NRG2: variants seen among roughly 807,000 people sequenced by gnomAD.
The protein encoded by NRG2 is neuregulin 2.
Under a neutral mutation model 73.9 loss-of-function variants are expected in NRG2, and 27 were observed. That is an observed-to-expected ratio of 0.37 (90% CI 0.27 to 0.50). NRG2 has a LOEUF of 0.50. NRG2 is among the 20% of genes least tolerant of loss of function. The pLI, the probability that NRG2 is intolerant of heterozygous loss-of-function variation, is 0.96. For synonymous variants in NRG2, 532 were observed against 541.0 expected (o/e 0.98, Z 0.23); for missense variants, 1,126 against 1,210.1 (o/e 0.93, Z 1.03).
chr5:139,885,736 C>T (rs897132213), intron 2 of NRG2, among the ~76,000 whole-genome samples: 4 of 146,434 alleles, frequency 2.7e-5, no homozygotes, highest in Admixed American at 6.8e-5. Flanking sequence ...GGGGAATGTG[C>T]GGGAGGGAGG....
intron 3 of NRG2, among the ~76,000 whole-genome samples, chr5:139,880,644 C>T (rs768578361): frequency 1.3e-5 from 2 of 151,946 alleles, no homozygotes; most frequent in East Asian, 1.9e-4. Context: ...TGAGAGCTGG[C>T]GGCTCTTCCA....
At chr5:139,967,259 C>G (rs1195808472) in intron 1 of NRG2, among the ~76,000 whole-genome samples, 2 of 152,164 alleles carry the variant, frequency 1.3e-5, no homozygotes, top group African/African-American at 4.8e-5. Flanking sequence ...GGACTATTAC[C>G]TTGTATCCCA....
chr5:139,858,638 A>G (rs1021552947), intron 5 of NRG2, among the ~76,000 whole-genome samples: 11 of 152,124 alleles, frequency 7.2e-5, no homozygotes, highest in African/African-American at 2.7e-4. Context: ...GCACACTCAC[A>G]CTCATCTCCA....
rs115787265 is a variant in NRG2 at position 139,889,913 on chromosome 5, T to C, written c.701-2402A>G. Among the ~76,000 whole-genome samples, 739 of 152,338 alleles carry C rather than the reference T, an allele frequency of 4.9e-3. 5 individuals carry two copies. The highest frequency in any genetic ancestry group is 0.017 in the African/African-American group (703 of 41,576). ...TGTGAGGATTATATGAGACAATGCA[T>C]GTAGAGCCTGGCACATAGAGAGCAT... On this transcript the variant is annotated intron_variant, in intron 1 of 9. Transcript: ENST00000361474.
intron 1 of NRG2, among the ~76,000 whole-genome samples, chr5:140,009,776 A>G (rs1284053401): frequency 6.6e-6 from 1 of 152,248 alleles, no homozygotes; most frequent in African/African-American, 2.4e-5. Flanking sequence ...ATTCAGCACT[A>G]AAAATAAATG....
At chr5:139,889,822 G>A (rs548472139) in intron 1 of NRG2, among the ~76,000 whole-genome samples, 5 of 152,204 alleles carry the variant, frequency 3.3e-5, no homozygotes, top group South Asian at 2.1e-4. Flanking sequence ...ATTCGTTTGC[G>A]CCTCAACTTC....
rs1761150232 is a variant in NRG2 at position 139,848,309 on chromosome 5, G to A, written c.2161C>T (p.Pro721Ser). ...GCGCGCGGCCGCGGCGGCGGCGGGG[G>A]CGCGCACTCCTGCGTGGTCTCGTAC... ...DEYETTQECA[P>S]PPPPRPRARG... The change falls in exon 10 of 10, where the codon CCC becomes TCC. Residue 721 changes from proline (P) to serine (S), a missense_variant. Around this residue, in one of 3 missense-constraint regions of NRG2, gnomAD observed 402 missense variants for 357.8 expected, o/e 1.12. Coordinates refer to ENST00000361474, the MANE Select transcript of NRG2 (RefSeq NM_004883.3). 1.7e-6 allele frequency: 2 copies of A among 1,177,998 alleles called. No individual in the cohort carries two copies. The highest frequency in any genetic ancestry group is 1.6e-5 in the African/African-American group (1 of 61,908). 73.0% of individuals were successfully genotyped at this position (1,177,998 alleles called of 1,614,324 possible).
In NRG2 at chr5:139,939,833, A is replaced by T. The variant is rs186969318; in HGVS notation, c.701-52322T>A. ...GGGCAAAAAATTGAACAGACACTTG[A>T]CCAAAAAAAATATATAGCAATGGCA... On this transcript the variant is annotated intron_variant, in intron 1 of 9. Coordinates refer to ENST00000361474, the MANE Select transcript of NRG2 (RefSeq NM_004883.3). Among the ~76,000 whole-genome samples the T allele has an allele frequency of 9.3e-4, 141 of 152,348 alleles. 1 individual carries two copies. Among genetic ancestry groups the T allele is most frequent in the South Asian group, 1.0e-3 (5 of 4,832 alleles).
At chr5:139,949,668 C>A (rs1031723798) in intron 1 of NRG2, among the ~76,000 whole-genome samples, 40 of 152,158 alleles carry the variant, frequency 2.6e-4, no homozygotes, top group Admixed American at 2.6e-3. Flanking sequence ...TAAGGAATGA[C>A]CCCAGCATAA....
At chr5:140,030,677 C>T (rs1211302598) in intron 1 of NRG2, among the ~76,000 whole-genome samples, 2 of 152,208 alleles carry the variant, frequency 1.3e-5, no homozygotes, top group East Asian at 1.9e-4. Context: ...CACCCATGTG[C>T]CTCCCTTCAA....
chr5:139,975,589 A>G (rs963708325), intron 1 of NRG2, among the ~76,000 whole-genome samples: 4 of 152,238 alleles, frequency 2.6e-5, no homozygotes, highest in Non-Finnish European at 5.9e-5. Context: ...ACTTCCTTAG[A>G]CAAGAGAGGA....
At position 139,848,629 on chromosome 5, in the gene NRG2, T is replaced by C; in HGVS notation, c.1841A>G (p.Gln614Arg). Residue 614 changes from glutamine to arginine, a missense_variant, in exon 10 of 10, where the codon CAG becomes CGG. By Grantham distance (43) the Gln-to-Arg change is conservative (BLOSUM62 1). Coordinates refer to ENST00000361474, the MANE Select transcript of NRG2 (RefSeq NM_004883.3). ...GGACGTGATCTCGAAAGTTGGCACC[T>C]GCGTGGCCAGCGAGTAGTGGAAGTC... The part of the protein sequence containing the change: ...PVDFHYSLAT[Q>R]VPTFEITSPN... The C allele has an allele frequency of 6.3e-7, 1 of 1,577,978 alleles. No homozygotes were observed. The highest frequency in any genetic ancestry group is 8.5e-7 in the Non-Finnish European group (1 of 1,171,584).
chr5:140,005,212 T>A (rs971942868), intron 1 of NRG2, among the ~76,000 whole-genome samples: 12 of 152,178 alleles, frequency 7.9e-5, no homozygotes, highest in Middle Eastern at 3.2e-3. Flanking sequence ...TGTCTTCCCA[T>A]ATATAAGAAC....
chr5:139,913,315 C>T (rs1750994151), intron 1 of NRG2, among the ~76,000 whole-genome samples: 1 of 152,236 alleles, frequency 6.6e-6, no homozygotes, highest in Non-Finnish European at 1.5e-5. Flanking sequence ...TCTGATGAGT[C>T]TGGTGGCCTC....
intron 1 of NRG2, among the ~76,000 whole-genome samples, chr5:140,019,333 G>A (rs1290741493): frequency 6.6e-6 from 1 of 152,198 alleles, no homozygotes; most frequent in Non-Finnish European, 1.5e-5. Context: ...TTGGGGACAG[G>A]GAAAGAAACC....
rs746300576 is a variant in NRG2, at chr5:139,911,404, A to G, written c.701-23893T>C. Among the ~76,000 whole-genome samples, 7 of 152,174 alleles carry G rather than the reference A, an allele frequency of 4.6e-5. No homozygotes were observed. The South Asian group carries it at 6.2e-4, about 14-fold the overall frequency. On this transcript the variant is annotated intron_variant, in intron 1 of 9. Transcript: ENST00000361474. ...GAGGAGCGGATGACCCCCAGGCCCA[A>G]GAGGAAGAAGAGATGTTACTCTGTC...
intron 1 of NRG2, among the ~76,000 whole-genome samples, chr5:139,989,015 T>C (rs1757379771): frequency 6.6e-6 from 1 of 152,028 alleles, no homozygotes; most frequent in South Asian, 2.1e-4. Context: ...AAGACATTAA[T>C]TGAATTTGTT....
chr5:139,989,363 T>C (rs1268086733), intron 1 of NRG2, among the ~76,000 whole-genome samples: 1 of 151,962 alleles, frequency 6.6e-6, no homozygotes, highest in Non-Finnish European at 1.5e-5. Flanking sequence ...AGCTGTCTAC[T>C]TTGCTGCCTG....
At chr5:139,964,923 G>A (rs898860820) in intron 1 of NRG2, among the ~76,000 whole-genome samples, 1 of 152,254 alleles carries the variant, frequency 6.6e-6, no homozygotes, top group East Asian at 1.9e-4. Context: ...CCCTGGAGAG[G>A]AGAGTGGAGT....
Sources: gnomAD v4.1 joint callset for allele counts (sites outside exome capture counted in the v4.1 genomes callset) on GRCh38, gnomAD v4.1.1 for gene constraint, gnomAD v4.1.1 regional missense constraint, MANE v1.5 for transcripts, NCBI Gene and HGNC (gene_info 2026-07-23, HGNC 2026-07-21) for gene names.